Variants in PGR observed in about 807,000 individuals in gnomAD.
The protein encoded by PGR is progesterone receptor, also known as nuclear receptor subfamily 3 group C member 3.
In PGR, 25 loss-of-function variants were observed where a neutral mutation model predicts 76.1. The observed-to-expected ratio is 0.33, with a 90% CI of 0.24 to 0.46. The LOEUF (loss-of-function observed/expected upper bound fraction) is 0.46, where lower values mean the gene tolerates loss of function less well. PGR is among the 20% of genes least tolerant of loss of function. The pLI is 1.00. For missense variants in PGR, 1,172 were observed against 1,225.3 expected (o/e 0.96, Z 0.65); for synonymous variants, 579 against 535.0 (o/e 1.08, Z -1.14).
chr11:101,047,465 G>A (rs1416520101), intron 6 of PGR, among the ~76,000 whole-genome samples: 1 of 152,118 alleles, frequency 6.6e-6, no homozygotes, highest in Non-Finnish European at 1.5e-5. Flanking sequence ...CACCAAATTA[G>A]CCTTGAAATT....
At chr11:101,102,997 T>C (rs892662397) in intron 2 of PGR, among the ~76,000 whole-genome samples, 24 of 151,888 alleles carry the variant, frequency 1.6e-4, no homozygotes, top group African/African-American at 5.8e-4. Context: ...TTTGCGCTGC[T>C]ATGAGAATCT....
chr11:101,060,326 A>G (rs1401979091), intron 4 of PGR, among the ~76,000 whole-genome samples: 6 of 152,146 alleles, frequency 3.9e-5, no homozygotes, highest in Non-Finnish European at 5.9e-5. Context: ...GAACGAAATA[A>G]ATTTCTTTTA....
intron 2 of PGR, among the ~76,000 whole-genome samples, chr11:101,122,636 A>G (rs888880071): frequency 6.6e-6 from 1 of 152,200 alleles, no homozygotes; most frequent in Non-Finnish European, 1.5e-5. Flanking sequence ...CCAATACTAT[A>G]TCCTAAACAG....
At position 101,100,484 on chromosome 11, in the gene PGR, A is replaced by T. The variant is rs374854908; in HGVS notation, c.1790-8608T>A. ...AGACTAATACGGTTAGTGGAATGAG[A>T]TTGTTCTTCTGATTAAAATCTTTGG... On this transcript the variant is annotated intron_variant, in intron 2 of 7. Transcript: ENST00000325455. 3.9e-5 allele frequency among the ~76,000 whole-genome samples: 6 copies of T among 152,224 alleles called. No homozygotes were observed. In the South Asian group the frequency reaches 6.2e-4, roughly 16 times the overall value.
At chr11:101,100,662 TTA>T (rs1330892262) in intron 2 of PGR, among the ~76,000 whole-genome samples, 2 of 151,560 alleles carry the variant, frequency 1.3e-5, no homozygotes, top group African/African-American at 4.9e-5. Flanking sequence ...CAACTAGTAA[TTA>T]TTTTGATTTT....
intron 3 of PGR, among the ~76,000 whole-genome samples, chr11:101,089,964 C>T (rs1439135288): frequency 2.0e-5 from 3 of 152,064 alleles, no homozygotes; most frequent in East Asian, 1.9e-4. Flanking sequence ...TTTAGAAGGC[C>T]GAGGTGGGCA....
intron 3 of PGR, among the ~76,000 whole-genome samples, chr11:101,090,908 A>T (rs1164690348): frequency 6.6e-6 from 1 of 152,254 alleles, no homozygotes; most frequent in Non-Finnish European, 1.5e-5. Flanking sequence ...CATTTCCCAA[A>T]GGAAAATACA....
At chr11:101,050,118 C>G in intron 5 of PGR, 59 bp from the exon 6 acceptor site, 1 of 1,562,980 alleles carries the variant, frequency 6.4e-7, no homozygotes, top group South Asian at 1.1e-5. Context: ...AGTGTCTCAG[C>G]CAGTTTAGGT....
At position 101,129,300 on chromosome 11, in the gene PGR, C is replaced by T; in HGVS notation, c.-230G>A. On this transcript the variant is annotated 5_prime_UTR_variant, in exon 1 of 8. Coordinates refer to ENST00000325455, the MANE Select transcript of PGR (RefSeq NM_000926.4). ...GGGGAACTGTGGCTGTCGTTTGTCC[C>T]AGCGAGCGGCAAGTGGGGAGCGCAA... 6.0e-6 allele frequency: 3 copies of T among 498,766 alleles called. No homozygotes were observed. Among genetic ancestry groups the T allele is most frequent in the Admixed American group, 7.2e-5 (2 of 27,942 alleles). 30.9% of individuals were successfully genotyped at this position (498,766 alleles called of 1,614,324 possible). A position where few individuals can be genotyped will look rare whatever the true frequency, so the allele number is the denominator to read the frequency against.
chr11:101,125,251 A>G (rs1862802064), intron 2 of PGR, among the ~76,000 whole-genome samples: 1 of 136,046 alleles, frequency 7.4e-6, no homozygotes, highest in Non-Finnish European at 1.6e-5. Context: ...ATTCAAAAAT[A>G]TTTTCTTTGA....
chr11:101,097,463 T>C (rs981019756), intron 2 of PGR, among the ~76,000 whole-genome samples: 2 of 152,236 alleles, frequency 1.3e-5, no homozygotes, highest in Non-Finnish European at 2.9e-5. Flanking sequence ...TACTAGGTTC[T>C]ATAAGAGTAG....
At chr11:101,081,967 C>T (rs1162039092) in intron 3 of PGR, among the ~76,000 whole-genome samples, 2 of 152,180 alleles carry the variant, frequency 1.3e-5, no homozygotes, top group South Asian at 2.1e-4. Context: ...TGTGTCCTCA[C>T]CCAAATCTCA....
At chr11:101,087,848 A>AT (rs1185772326) in intron 3 of PGR, among the ~76,000 whole-genome samples, 1 of 152,124 alleles carries the variant, frequency 6.6e-6, no homozygotes, top group Non-Finnish European at 1.5e-5. Context: ...ATCACTAATC[A>AT]TTAAGATATG....
chr11:101,054,632 T>C (rs1170250167), intron 4 of PGR, among the ~76,000 whole-genome samples: 2 of 152,208 alleles, frequency 1.3e-5, no homozygotes, highest in African/African-American at 4.8e-5. Flanking sequence ...CTCAACAAAT[T>C]GGAAGGCATT....
intron 3 of PGR, among the ~76,000 whole-genome samples, chr11:101,069,911 G>T (rs748086848): frequency 6.6e-6 from 1 of 151,960 alleles, no homozygotes; most frequent in Non-Finnish European, 1.5e-5. Flanking sequence ...GTAGATGATG[G>T]ATTGTTGGGT....
intron 2 of PGR, 86 bp downstream of exon 2, chr11:101,125,921 C>T: frequency 8.8e-7 from 1 of 1,131,516 alleles, no homozygotes; most frequent in Non-Finnish European, 1.3e-6. Flanking sequence ...TTATAAGAAA[C>T]AAGGAATAAT....
rs1267575019 is a variant in PGR, at chr11:101,038,508, T to C, written c.*608A>G. 1 of 228,616 alleles carries C rather than the reference T, an allele frequency of 4.4e-6. No individual in the cohort carries two copies. Among genetic ancestry groups the C allele is most frequent in the African/African-American group, 2.2e-5 (1 of 45,088 alleles). The allele number at this position is 228,616 out of a possible 1,614,324, so 14.2% of individuals were successfully genotyped here. ...TCCTAAGAGATTTGTGTTTCCAATC[T>C]GGAAAATGGTCTTAACATATGAGTT... On this transcript the variant is annotated 3_prime_UTR_variant, in exon 8 of 8. Transcript: ENST00000325455.
intron 7 of PGR, among the ~76,000 whole-genome samples, chr11:101,039,618 CAT>C (rs760456245): frequency 3.6e-4 from 54 of 152,022 alleles, no homozygotes; most frequent in Middle Eastern, 3.4e-3. Context: ...CAATATTACA[CAT>C]GTTTCATAAA....
chr11:101,055,041 G>A (rs1860238111), intron 4 of PGR, among the ~76,000 whole-genome samples: 1 of 151,870 alleles, frequency 6.6e-6, no homozygotes, highest in South Asian at 2.1e-4. Flanking sequence ...TAAATTATGT[G>A]TTTGTTCTGG....
Sources: allele counts gnomAD v4.1 joint callset (sites outside exome capture counted in the v4.1 genomes callset), GRCh38; gene constraint gnomAD v4.1.1; transcripts MANE v1.5; gene names NCBI Gene and HGNC (gene_info 2026-07-23, HGNC 2026-07-21).